Variants in PCDHA8 observed in about 807,000 individuals in gnomAD.
PCDHA8 encodes the protein protocadherin alpha-8.
Under a neutral mutation model 61.8 loss-of-function variants are expected in PCDHA8, and 53 were observed. That is an observed-to-expected ratio of 0.86 (90% CI 0.69 to 1.08). The LOEUF is 1.08. PCDHA8 is among the 50% of genes least tolerant of loss of function. PCDHA8 has a pLI of 0.00. For synonymous variants in PCDHA8, 618 were observed against 556.6 expected (o/e 1.11, Z -1.55); for missense variants, 1,293 against 1,245.0 (o/e 1.04, Z -0.58).
At chr5:140,873,221 G>A (rs2054166323) in intron 1 of PCDHA8, among the ~76,000 whole-genome samples, 1 of 151,940 alleles carries the variant, frequency 6.6e-6, no homozygotes, top group African/African-American at 2.4e-5. Context: ...TTAAAGAGAA[G>A]GCAACAATAT....
At chr5:140,876,808 G>T in intron 1 of PCDHA8, 1 of 1,614,222 alleles carries the variant, frequency 6.2e-7, no homozygotes, top group Non-Finnish European at 8.5e-7. Flanking sequence ...CGTGGAGGTG[G>T]CCGACGTGAA....
In PCDHA8 at chr5:140,843,030, T is replaced by C; in HGVS notation, c.1709T>C (p.Val570Ala). 1 of 1,594,962 alleles carries C rather than the reference T, an allele frequency of 6.3e-7. No individual in the cohort carries two copies. The highest frequency in any genetic ancestry group is 1.3e-5 in the African/African-American group (1 of 74,494). Residue 570 changes from valine (V) to alanine (A), a missense_variant, in exon 1 of 4, where the codon GTG becomes GCG. Val to Ala is a moderately conservative substitution (Grantham distance 64). Transcript: ENST00000531613. ...DNAPALLEPR[V>A]GGTGGAASKL... ...GCGCCGGCACTGCTGGAGCCTCGGG[T>C]GGGTGGCACTGGTGGCGCAGCGAGC...
At chr5:140,942,311 G>A (rs781987580) in intron 1 of PCDHA8, among the ~76,000 whole-genome samples, 1 of 152,004 alleles carries the variant, frequency 6.6e-6, no homozygotes, top group Non-Finnish European at 1.5e-5. Flanking sequence ...TTGGGAGGTC[G>A]AGGCACAAGA....
chr5:140,929,022 C>T (rs17844367), intron 1 of PCDHA8: 4 of 1,614,172 alleles, frequency 2.5e-6, no homozygotes, highest in Admixed American at 3.3e-5. Context: ...TGCACCAGAG[C>T]CCAGGCTGTT....
At chr5:140,862,076 C>A (rs782160778) in intron 1 of PCDHA8, 1 of 157,430 alleles carries the variant, frequency 6.4e-6, no homozygotes, top group Non-Finnish European at 1.4e-5. Context: ...TCTCCCCTAA[C>A]ATAGAAGCCC....
chr5:140,992,390 C>T (rs1007853972), intron 3 of PCDHA8, among the ~76,000 whole-genome samples: 1 of 152,082 alleles, frequency 6.6e-6, no homozygotes, highest in Admixed American at 6.6e-5. Context: ...GTGTTCTGGA[C>T]TTAGAGATAT....
rs1406099374 is a variant in PCDHA8 at position 140,842,326 on chromosome 5, C to T, written c.1005C>T (p.Thr335=). The stretch of plus-strand genomic sequence containing the variant: ...ATCCTCCCATGGCGGGTCATTGCAC[C>T]GTTTTAGTGAGAATTTTGGATAAAA... ...KGHPPMAGHC[T]VLVRILDKND... Residue 335 remains threonine (T), a synonymous_variant, in exon 1 of 4, where the codon ACC becomes ACT. Coordinates refer to ENST00000531613, the MANE Select transcript of PCDHA8 (RefSeq NM_018911.3). The T allele has an allele frequency of 2.5e-6, 4 of 1,606,084 alleles. No individual in the cohort carries two copies. The highest frequency in any genetic ancestry group is 1.3e-5 in the African/African-American group (1 of 74,592).
rs1160767102 is a variant in PCDHA8, at chr5:140,964,322, A to G, written c.2395-14627A>G. On this transcript the variant is annotated intron_variant, in intron 1 of 3. Coordinates refer to ENST00000531613, the MANE Select transcript of PCDHA8 (RefSeq NM_018911.3). ...TACCTACAAGGCCTAAAACAGCATA[A>G]TGGACAACCTGGCAGGTGTCCTTGC... Among the ~76,000 whole-genome samples the G allele has an allele frequency of 2.0e-5, 3 of 152,346 alleles. No individual in the cohort carries two copies. The East Asian group carries it at 5.8e-4, about 29-fold the overall frequency.
At chr5:140,917,332 G>GC (rs1293292013) in intron 1 of PCDHA8, among the ~76,000 whole-genome samples, 1 of 145,540 alleles carries the variant, frequency 6.9e-6, no homozygotes, top group Non-Finnish European at 1.5e-5. Flanking sequence ...GGCGGGGGAG[G>GC]GGGGGGATGG....
In PCDHA8 at chr5:140,845,149, T is replaced by C. The variant is rs1779719048; in HGVS notation, c.2394+1434T>C. On this transcript the variant is annotated intron_variant, in intron 1 of 3. Coordinates refer to ENST00000531613, the MANE Select transcript of PCDHA8 (RefSeq NM_018911.3). ...TTTATTTGACTATTTGAACACATTGTGTAAAAGCGAATTGTTTTCATTTTA... is the reference window on the plus strand; with the variant it reads ...TTTATTTGACTATTTGAACACATTGCGTAAAAGCGAATTGTTTTCATTTTA... 1.3e-5 allele frequency among the ~76,000 whole-genome samples: 2 copies of C among 149,682 alleles called. 1 individual carries two copies. The highest frequency in any genetic ancestry group is 1.3e-4 in the Admixed American group (2 of 14,942).
At chr5:140,982,337 A>T in intron 2 of PCDHA8, 138 bp from the exon 3 acceptor site, 1 of 1,455,066 alleles carries the variant, frequency 6.9e-7, no homozygotes, top group Non-Finnish European at 9.1e-7. Flanking sequence ...CTCAGCAGTA[A>T]TTGCTTCAGT....
chr5:140,976,933 A>G (rs1554238099), intron 1 of PCDHA8, among the ~76,000 whole-genome samples: 1 of 152,198 alleles, frequency 6.6e-6, no homozygotes, highest in African/African-American at 2.4e-5. Context: ...CTGTGTAGCT[A>G]CTTAAAACAT....
intron 1 of PCDHA8, among the ~76,000 whole-genome samples, chr5:140,951,182 C>T (rs782338729): frequency 9.2e-5 from 14 of 151,876 alleles, no homozygotes; most frequent in East Asian, 1.9e-4. Context: ...AGTCATTGTC[C>T]GCTAATTCCC....
At chr5:140,962,223 A>G (rs951247075) in intron 1 of PCDHA8, among the ~76,000 whole-genome samples, 8 of 152,160 alleles carry the variant, frequency 5.3e-5, no homozygotes, top group Admixed American at 3.9e-4. Flanking sequence ...CTTGAGGTTC[A>G]AGTTTCACTT....
intron 3 of PCDHA8, among the ~76,000 whole-genome samples, chr5:140,986,372 G>C (rs570215048): frequency 2.1e-4 from 32 of 152,248 alleles, no homozygotes; most frequent in Admixed American, 5.2e-4. Context: ...ATGCGTTTTG[G>C]GGGGAGGGAC....
Position 140,979,705 on chromosome 5 carries a change from G to A in PCDHA8, c.2453+698G>A, listed in dbSNP as rs138804576. Among the ~76,000 whole-genome samples, 597 of 152,336 alleles carry A rather than the reference G, an allele frequency of 3.9e-3. 4 individuals carry two copies. The highest frequency in any genetic ancestry group is 0.014 in the African/African-American group (562 of 41,570). On this transcript the variant is annotated intron_variant, in intron 2 of 3. Coordinates refer to ENST00000531613, the MANE Select transcript of PCDHA8 (RefSeq NM_018911.3). ...ATTAACTACCATTATTTCTGGAGGT[G>A]ATCCAGTATCCATGCCATGGGGCCA... is the stretch of plus-strand genomic sequence containing the variant.
At chr5:140,908,985 C>G (rs2074252217) in intron 1 of PCDHA8, among the ~76,000 whole-genome samples, 1 of 152,130 alleles carries the variant, frequency 6.6e-6, no homozygotes, top group African/African-American at 2.4e-5. Context: ...CCACTGGACC[C>G]CTAGAAATTT....
At chr5:140,886,155 T>C (rs528104847) in intron 1 of PCDHA8, among the ~76,000 whole-genome samples, 1 of 152,212 alleles carries the variant, frequency 6.6e-6, no homozygotes, top group African/African-American at 2.4e-5. Context: ...CACCTTTTTA[T>C]AGCCACATCT....
intron 2 of PCDHA8, 118 bp downstream of exon 2, chr5:140,979,125 C>A (rs782380399): frequency 8.7e-5 from 128 of 1,479,726 alleles, no homozygotes; most frequent in Non-Finnish European, 1.0e-4. Flanking sequence ...GGTACTTTGC[C>A]AGGAAAATGC....
Sources: allele counts gnomAD v4.1 joint callset (sites outside exome capture counted in the v4.1 genomes callset), GRCh38; gene constraint gnomAD v4.1.1; transcripts MANE v1.5; gene names NCBI Gene and HGNC (gene_info 2026-07-23, HGNC 2026-07-21).